KIAA0825: variants seen among roughly 807,000 people sequenced by gnomAD.
KIAA0825 encodes uncharacterized protein KIAA0825.
A neutral mutation model predicts 147.6 loss-of-function variants in KIAA0825; 119 were observed. That is an observed-to-expected ratio of 0.81 (90% CI 0.69 to 0.94). KIAA0825 has a LOEUF of 0.94. Ranked by LOEUF, KIAA0825 falls within the 40% of genes least tolerant of loss-of-function variation. The probability of loss-of-function intolerance (pLI) is 0.00; values close to 1 mark genes in which losing one functional copy is unlikely to be tolerated. For synonymous variants in KIAA0825, 470 were observed against 518.1 expected (o/e 0.91, Z 1.26); for missense variants, 1,381 against 1,472.7 (o/e 0.94, Z 1.02).
intron 20 of KIAA0825, among the ~76,000 whole-genome samples, chr5:94,342,039 A>C (rs944373571): frequency 2.0e-5 from 3 of 152,032 alleles, no homozygotes; most frequent in Non-Finnish European, 4.4e-5. Context: ...TAAAAATACA[A>C]AAAGAAGTTA....
At chr5:94,246,457 C>T (rs754250562) in intron 20 of KIAA0825, among the ~76,000 whole-genome samples, 3 of 152,070 alleles carry the variant, frequency 2.0e-5, no homozygotes, top group Admixed American at 6.6e-5. Context: ...AGATAGGGTG[C>T]GTGTGTGCCT....
intron 20 of KIAA0825, among the ~76,000 whole-genome samples, chr5:94,239,591 C>T (rs1377338228): frequency 1.3e-5 from 2 of 152,126 alleles, no homozygotes; most frequent in South Asian, 2.1e-4. Context: ...TATTTCTACA[C>T]GTTTGCCAAT....
intron 14 of KIAA0825, among the ~76,000 whole-genome samples, chr5:94,421,573 T>C (rs886071903): frequency 8.1e-4 from 123 of 152,312 alleles, no homozygotes; most frequent in African/African-American, 2.8e-3. Flanking sequence ...TCTACCCCGT[T>C]TCCCCTTCTC....
At chr5:94,528,746 T>C (rs1234818206) in intron 3 of KIAA0825, among the ~76,000 whole-genome samples, 1 of 151,914 alleles carries the variant, frequency 6.6e-6, no homozygotes, top group African/African-American at 2.4e-5. Context: ...TAGAAGGACA[T>C]AGTTTAATAC....
chr5:94,285,818 G>A (rs896073317), intron 20 of KIAA0825, among the ~76,000 whole-genome samples: 1 of 152,132 alleles, frequency 6.6e-6, no homozygotes, highest in Non-Finnish European at 1.5e-5. Context: ...AAACAGTCCT[G>A]TAATCATAGG....
At chr5:94,261,724 C>T (rs1446748213) in intron 20 of KIAA0825, among the ~76,000 whole-genome samples, 1 of 152,160 alleles carries the variant, frequency 6.6e-6, no homozygotes, top group East Asian at 1.9e-4. Context: ...ACCTGTGTAT[C>T]ATCCCTGAAC....
At chr5:94,298,473 T>G (rs753640921) in intron 20 of KIAA0825, among the ~76,000 whole-genome samples, 4 of 152,150 alleles carry the variant, frequency 2.6e-5, no homozygotes, top group Admixed American at 6.6e-5. Context: ...AAGTTAAAAA[T>G]GCCCAGAAAT....
At chr5:94,530,008 C>T (rs1356631186) in intron 3 of KIAA0825, among the ~76,000 whole-genome samples, 2 of 152,056 alleles carry the variant, frequency 1.3e-5, no homozygotes, top group African/African-American at 2.4e-5. Flanking sequence ...TGGTGGCTCA[C>T]ACCTGTAATC....
At chr5:94,173,635 T>G (rs937963945) in intron 20 of KIAA0825, among the ~76,000 whole-genome samples, 1 of 152,194 alleles carries the variant, frequency 6.6e-6, no homozygotes, top group Admixed American at 6.5e-5. Context: ...ACCACTTCTA[T>G]AGTATTCTAT....
intron 20 of KIAA0825, among the ~76,000 whole-genome samples, chr5:94,202,690 A>C (rs1771810910): frequency 6.6e-6 from 1 of 152,228 alleles, no homozygotes; most frequent in Non-Finnish European, 1.5e-5. Flanking sequence ...GACCCAGGCC[A>C]ATCTGGGAAA....
At chr5:94,157,728 AAC>A (rs1158217109) in intron 20 of KIAA0825, among the ~76,000 whole-genome samples, 8 of 152,226 alleles carry the variant, frequency 5.3e-5, no homozygotes, top group African/African-American at 1.9e-4. Context: ...GAAAAATAAA[AAC>A]AGTCACAGAT....
chr5:94,550,140 C>A (rs1775243024), intron 2 of KIAA0825, among the ~76,000 whole-genome samples: 1 of 152,046 alleles, frequency 6.6e-6, no homozygotes, highest in South Asian at 2.1e-4. Context: ...ATGAAAAAAA[C>A]CAGGCACAGA....
intron 20 of KIAA0825, among the ~76,000 whole-genome samples, chr5:94,272,722 G>A (rs1024039664): frequency 1.3e-5 from 2 of 152,090 alleles, no homozygotes; most frequent in East Asian, 3.9e-4. Context: ...ACTTATTACA[G>A]TTTAGAACTT....
rs184384905 is a variant in KIAA0825 at position 94,593,372 on chromosome 5, C to T, written c.-152-10789G>A. 62 of 1,014,868 alleles carry T rather than the reference C, an allele frequency of 6.1e-5. No individual in the cohort carries two copies. In the East Asian group the frequency reaches 1.5e-3, roughly 24 times the overall value. The allele number at this position is 1,014,868 out of a possible 1,614,324, so 62.9% of individuals were successfully genotyped here. ...TCTGTCTTGATGGTCAACATATCTT[C>T]TTTAATATCACGACATTTTCAAGAA... On this transcript the variant is annotated intron_variant, in intron 1 of 20. Transcript: ENST00000682413.
At chr5:94,519,549 C>A (rs1767778455) in intron 5 of KIAA0825, 1 of 626,724 alleles carries the variant, frequency 1.6e-6, no homozygotes. Flanking sequence ...TTCAAATCAT[C>A]TTTTATTTGT....
chr5:94,288,777 T>A (rs747666893), intron 20 of KIAA0825, among the ~76,000 whole-genome samples: 1 of 152,186 alleles, frequency 6.6e-6, no homozygotes, highest in Non-Finnish European at 1.5e-5. Flanking sequence ...GCCAATTCTG[T>A]GAAAGCTGCT....
chr5:94,293,390 G>A (rs950733705), intron 20 of KIAA0825, among the ~76,000 whole-genome samples: 3 of 152,204 alleles, frequency 2.0e-5, no homozygotes, highest in Non-Finnish European at 4.4e-5. Flanking sequence ...TTCAGGAGCA[G>A]GTTGTTCAGT....
intron 20 of KIAA0825, among the ~76,000 whole-genome samples, chr5:94,208,891 AG>A (rs1311297175): frequency 1.3e-5 from 2 of 152,216 alleles, no homozygotes; most frequent in African/African-American, 4.8e-5. Flanking sequence ...GTAGTTTTCA[AG>A]TTTTTCTGTA....
At chr5:94,561,419 C>G (rs975178281) in intron 2 of KIAA0825, among the ~76,000 whole-genome samples, 7 of 152,154 alleles carry the variant, frequency 4.6e-5, no homozygotes, top group Non-Finnish European at 1.0e-4. Flanking sequence ...CTGTGGCAAC[C>G]CCCAAATTTG....
Sources: gnomAD v4.1 joint callset for allele counts (sites outside exome capture counted in the v4.1 genomes callset) on GRCh38, gnomAD v4.1.1 for gene constraint, MANE v1.5 for transcripts, NCBI Gene and HGNC (gene_info 2026-07-23, HGNC 2026-07-21) for gene names.